The following IGFL2 variants were observed in gnomAD, a reference collection of about 807,000 sequenced individuals.
IGFL2 encodes the protein insulin growth factor-like family member 2.
In IGFL2, 7 loss-of-function variants were observed where a neutral mutation model predicts 13.9. The observed-to-expected ratio is 0.51, with a 90% CI of 0.29 to 0.95. The LOEUF (loss-of-function observed/expected upper bound fraction) is 0.95. Among genes scored for constraint, IGFL2 ranks in the 40% least tolerant of loss-of-function variants. IGFL2 has a pLI of 0.08. For missense variants in IGFL2, 138 were observed against 147.8 expected, an observed-to-expected ratio of 0.93 and a Z score of 0.34; for synonymous variants, 55 against 55.8, an observed-to-expected ratio of 0.99 and a Z score of 0.07.
chr19:46,124,460 G>C, the IGFL2 span: 10 of 1,151,804 alleles, frequency 8.7e-6, no homozygotes, highest in East Asian at 2.2e-4. Flanking sequence ...ATGGGATCCC[G>C]TTCAGGCAGG....
chr19:46,123,995 G>A, the IGFL2 span: 7 of 1,611,410 alleles, frequency 4.3e-6, no homozygotes, highest in Admixed American at 8.4e-5. Context: ...GGACAGCAGA[G>A]CTCAAAGCAG....
At chr19:46,084,120 G>A in the IGFL2 span, among the ~76,000 whole-genome samples, 2,058 of 152,112 alleles carry the variant, frequency 0.014, 32 homozygotes, top group Middle Eastern at 0.027. Context: ...CTCCTGTTAC[G>A]GATTTCTAGT....
chr19:46,187,684 T>C, the IGFL2 span, among the ~76,000 whole-genome samples: 1 of 149,072 alleles, frequency 6.7e-6, no homozygotes, highest in African/African-American at 2.5e-5. Flanking sequence ...AGCCTGAGGT[T>C]GTGCTGCTGG....
At chr19:46,198,295 G>C in the IGFL2 span, 19 of 150,368 alleles carry the variant, frequency 1.3e-4, no homozygotes, top group Non-Finnish European at 1.3e-4. Flanking sequence ...TTTTTTTTTT[G>C]TAAAGACTGG....
chr19:46,084,161 A>G, the IGFL2 span, among the ~76,000 whole-genome samples: 1 of 152,166 alleles, frequency 6.6e-6, no homozygotes, highest in Non-Finnish European at 1.5e-5. Context: ...AAGATACTTG[A>G]TATGATTTCA....
At chr19:46,108,846 C>T in the IGFL2 span, among the ~76,000 whole-genome samples, 3 of 152,136 alleles carry the variant, frequency 2.0e-5, no homozygotes, top group Non-Finnish European at 4.4e-5. Context: ...CTGTCTCTAC[C>T]AGAAAGGGAA....
At chr19:46,190,037 C>T in the IGFL2 span, 1 of 152,022 alleles carries the variant, frequency 6.6e-6, no homozygotes, top group Non-Finnish European at 1.5e-5. Context: ...CTGCAGGGAC[C>T]CCAAAGCCCA....
chr19:46,124,474 T>C, the IGFL2 span: 1 of 1,143,338 alleles, frequency 8.7e-7, no homozygotes, highest in Non-Finnish European at 1.3e-6. Flanking sequence ...AGGCAGGCCC[T>C]GAGCAGCACG....
At chr19:46,145,508 C>T (rs1307429055), upstream of IGFL2, among the ~76,000 whole-genome samples, 1 of 151,946 alleles carries the variant, frequency 6.6e-6, no homozygotes, top group Non-Finnish European at 1.5e-5. Context: ...CTTCCAGTAA[C>T]TCTTAGTTCC....
chr19:46,196,453 C>A, the IGFL2 span, among the ~76,000 whole-genome samples: 1 of 152,158 alleles, frequency 6.6e-6, no homozygotes, highest in African/African-American at 2.4e-5. Context: ...TTTCAGTCCC[C>A]AAACTACTCC....
chr19:46,170,716 G>A, the IGFL2 span, among the ~76,000 whole-genome samples: 1 of 152,158 alleles, frequency 6.6e-6, no homozygotes, highest in African/African-American at 2.4e-5. Context: ...CACTCTGGGG[G>A]TGTCTGCCTT....
chr19:46,138,804 C>T (rs1972722732), upstream of IGFL2, among the ~76,000 whole-genome samples: 1 of 151,974 alleles, frequency 6.6e-6, no homozygotes, highest in Non-Finnish European at 1.5e-5. Flanking sequence ...ATCAGACTGG[C>T]CCCATCTCCT....
At chr19:46,089,313 A>G in the IGFL2 span, among the ~76,000 whole-genome samples, 20 of 152,214 alleles carry the variant, frequency 1.3e-4, no homozygotes, top group South Asian at 4.1e-4. Flanking sequence ...GTAATCATTT[A>G]CATCTTTTTA....
At chr19:46,209,305 A>T in the IGFL2 span, 1 of 152,250 alleles carries the variant, frequency 6.6e-6, no homozygotes, top group African/African-American at 2.4e-5. Flanking sequence ...GAAGGTCTTT[A>T]AAGCTCTCTC....
Position 46,160,896 on chromosome 19 carries a change from C to A in IGFL2, c.341+15C>A. On this transcript the variant is annotated intron_variant, in intron 3 of 3. Transcript: ENST00000377693. Reference sequence around the variant, plus strand: ...AAATGTGAAAGGTAGGGACCCCGTCCCTGGCCAGGGGGTCGGGGGAAGGGA... The same window carrying A: ...AAATGTGAAAGGTAGGGACCCCGTCACTGGCCAGGGGGTCGGGGGAAGGGA... 6.2e-7 allele frequency: 1 copy of A among 1,612,170 alleles called. No homozygotes were observed. Among genetic ancestry groups the A allele is most frequent in the African/African-American group, 1.3e-5 (1 of 74,966 alleles).
chr19:46,185,880 C>T, the IGFL2 span, among the ~76,000 whole-genome samples: 1 of 152,114 alleles, frequency 6.6e-6, no homozygotes, highest in Non-Finnish European at 1.5e-5. Context: ...ACATGCCAGG[C>T]AGGCAGTCCT....
Position 46,160,804 on chromosome 19 carries a change from C to A in IGFL2, c.264C>A (p.Asn88Lys). The A allele has an allele frequency of 6.2e-7, 1 of 1,614,016 alleles. No individual in the cohort carries two copies. The highest frequency in any genetic ancestry group is 1.7e-5 in the Admixed American group (1 of 60,018). Residue 88 changes from asparagine to lysine, a missense_variant, in exon 3 of 4, where the codon AAC becomes AAA. Coordinates refer to ENST00000377693, the MANE Select transcript of IGFL2 (RefSeq NM_001135113.2). The part of the protein sequence containing the change: ...LCCLDSFGLT[N>K]DFVVKLKVQG... ...GTCTTGATTCCTTTGGCCTCACAAA[C>A]GATTTTGTTGTGAAGCTGAAGGTTC...
the IGFL2 span, among the ~76,000 whole-genome samples, chr19:46,085,463 CT>C: frequency 2.6e-5 from 4 of 152,156 alleles, no homozygotes; most frequent in Non-Finnish European, 5.9e-5. Context: ...AACCCCTGCT[CT>C]TTTTTGTTCT....
chr19:46,169,884 A>G, the IGFL2 span, among the ~76,000 whole-genome samples: 7 of 151,702 alleles, frequency 4.6e-5, no homozygotes, highest in African/African-American at 1.7e-4. Flanking sequence ...ATAACACCCT[A>G]GAATTGCCAG....
Sources: gnomAD v4.1 joint callset for allele counts (sites outside exome capture counted in the v4.1 genomes callset) on GRCh38, gnomAD v4.1.1 for gene constraint, MANE v1.5 for transcripts, NCBI Gene and HGNC (gene_info 2026-07-23, HGNC 2026-07-21) for gene names.